SLC30A4: variants seen among roughly 807,000 people sequenced by gnomAD.
SLC30A4 encodes probable proton-coupled zinc antiporter SLC30A4.
Under a neutral mutation model 41.7 loss-of-function variants are expected in SLC30A4, and 20 were observed. The ratio of observed to expected loss-of-function variants is 0.48; its 90% CI spans 0.34 to 0.70. SLC30A4 has a LOEUF of 0.70. Among genes scored for constraint, SLC30A4 ranks in the 30% least tolerant of loss-of-function variants. The probability of loss-of-function intolerance (pLI) is 0.01; values close to 1 mark genes in which losing one functional copy is unlikely to be tolerated. For synonymous variants in SLC30A4, 181 were observed against 195.9 expected (o/e 0.92, Z 0.64); for missense variants, 441 against 529.3 (o/e 0.83, Z 1.64).
intron 7 of SLC30A4, among the ~76,000 whole-genome samples, chr15:45,486,240 C>T (rs1490834676): frequency 6.6e-6 from 1 of 152,100 alleles, no homozygotes; most frequent in East Asian, 1.9e-4. Flanking sequence ...CCAGGCTGGT[C>T]TCAAACTCCT....
At chr15:45,517,423 G>A (rs1285199504) in intron 2 of SLC30A4, among the ~76,000 whole-genome samples, 1 of 137,942 alleles carries the variant, frequency 7.2e-6, no homozygotes, top group Non-Finnish European at 1.5e-5. Context: ...GCGTGATCTC[G>A]GCTCACCACA....
chr15:45,507,448 T>C (rs1355540279), intron 3 of SLC30A4, among the ~76,000 whole-genome samples: 1 of 151,578 alleles, frequency 6.6e-6, no homozygotes, highest in Non-Finnish European at 1.5e-5. Context: ...TCTGAGCATA[T>C]TAATAAGATA....
chr15:45,485,435 C>T (rs1045706905), intron 7 of SLC30A4, 118 bp from the exon 8 acceptor site: 1 of 666,750 alleles, frequency 1.5e-6, no homozygotes, highest in African/African-American at 1.9e-5. Context: ...TGATTTCTAC[C>T]CTCTCTAAGC....
rs149411346 is a variant in SLC30A4, at chr15:45,522,120, G to C, written c.235C>G (p.Gln79Glu). Residue 79 changes from glutamine to glutamate, a missense_variant, in exon 2 of 8, where the codon CAA becomes GAA. Around this residue, in one of 3 missense-constraint regions of SLC30A4, gnomAD observed 312 missense variants for 341.9 expected, o/e 0.91. Transcript: ENST00000261867. ...TGACTGTTGGTCAAAGGTAAGTCTT[G>C]GTCCAGTAAGGAATCATCGTCGGCC... ...LQADDDSLLD[Q>E]DLPLTNSQLS... 1.2e-6 allele frequency: 2 copies of C among 1,614,216 alleles called. No individual in the cohort carries two copies. Among genetic ancestry groups the C allele is most frequent in the African/African-American group, 1.3e-5 (1 of 75,052 alleles).
intron 3 of SLC30A4, among the ~76,000 whole-genome samples, chr15:45,505,834 G>C (rs989385543): frequency 3.9e-5 from 6 of 152,292 alleles, no homozygotes; most frequent in African/African-American, 1.4e-4. Flanking sequence ...AATGGTATGG[G>C]GAGATGGAGT....
At chr15:45,485,345 A>G (rs1344560190) in intron 7 of SLC30A4, 28 bp from the exon 8 acceptor site, 2 of 1,536,682 alleles carry the variant, frequency 1.3e-6, no homozygotes, top group Non-Finnish European at 1.8e-6. Context: ...TATCATTACT[A>G]TCCATTGTAC....
At chr15:45,515,952 GGTCTTGCC>G (rs1566882794) in intron 2 of SLC30A4, 1 of 151,674 alleles carries the variant, frequency 6.6e-6, no homozygotes. Flanking sequence ...GTAGAGACAG[GGTCTTGCC>G]ACCTTGACCA....
intron 3 of SLC30A4, among the ~76,000 whole-genome samples, chr15:45,493,814 G>A (rs995676267): frequency 6.6e-6 from 1 of 152,096 alleles, no homozygotes. Flanking sequence ...CCGACAGAGT[G>A]AGACTCTGTC....
intron 2 of SLC30A4, among the ~76,000 whole-genome samples, chr15:45,520,633 A>G (rs1445514665): frequency 1.3e-5 from 2 of 152,214 alleles, no homozygotes; most frequent in African/African-American, 4.8e-5. Context: ...AAGATTTGGG[A>G]AAGGCAGTCT....
chr15:45,487,911 A>AGTGTGTGTGTGTGTGTGTGTGTGTGT (rs145350286), intron 5 of SLC30A4, among the ~76,000 whole-genome samples: 3 of 137,602 alleles, frequency 2.2e-5, no homozygotes, highest in African/African-American at 8.2e-5. Flanking sequence ...GAAAGAAGTA[A>AGTGTGTGTGTGTGTGTGTGTGTGTGT]GTGTGTGTGT....
At chr15:45,487,087 AC>A (rs1202550235) in intron 6 of SLC30A4, among the ~76,000 whole-genome samples, 1 of 152,118 alleles carries the variant, frequency 6.6e-6, no homozygotes, top group Non-Finnish European at 1.5e-5. Flanking sequence ...ATTGTTAAGA[AC>A]TTTTATTTTC....
intron 2 of SLC30A4, among the ~76,000 whole-genome samples, chr15:45,516,222 CCA>C (rs1284354165): frequency 6.6e-6 from 1 of 152,210 alleles, no homozygotes; most frequent in Non-Finnish European, 1.5e-5. Context: ...ACCCACACTT[CCA>C]GAGGTACCTG....
intron 3 of SLC30A4, among the ~76,000 whole-genome samples, chr15:45,500,660 CTATA>C (rs765731480): frequency 0.018 from 2,175 of 117,700 alleles, 24 homozygotes; most frequent in Non-Finnish European, 0.027. Context: ...ATCTATCTAT[CTATA>C]TGTTTTTGTT....
chr15:45,493,879 A>G (rs1228705301), intron 3 of SLC30A4, among the ~76,000 whole-genome samples: 1 of 152,128 alleles, frequency 6.6e-6, no homozygotes, highest in Non-Finnish European at 1.5e-5. Context: ...TCAACAGAAC[A>G]GATATAAGAA....
chr15:45,521,782 T>C, intron 2 of SLC30A4, 182 bp downstream of exon 2: 1 of 537,798 alleles, frequency 1.9e-6, no homozygotes, highest in South Asian at 3.4e-5. Flanking sequence ...TCTCGGGGAG[T>C]TTATATTGTA....
intron 3 of SLC30A4, among the ~76,000 whole-genome samples, chr15:45,496,874 T>TA (rs1449473386): frequency 1.4e-5 from 2 of 142,110 alleles, no homozygotes; most frequent in Non-Finnish European, 3.1e-5. Context: ...AATAAATAAA[T>TA]AAAATAAATA....
chr15:45,509,248 C>CT (rs879266404), intron 3 of SLC30A4, among the ~76,000 whole-genome samples: 1,371 of 133,302 alleles, frequency 0.01, 17 homozygotes, highest in African/African-American at 0.029. Context: ...GGAACACATT[C>CT]TTTTTTTTTT....
intron 4 of SLC30A4, among the ~76,000 whole-genome samples, chr15:45,489,766 T>A (rs542008159): frequency 1.6e-4 from 24 of 151,996 alleles, no homozygotes; most frequent in Non-Finnish European, 3.1e-4. Flanking sequence ...ACTTAAAGTA[T>A]AATAATAATA....
intron 3 of SLC30A4, among the ~76,000 whole-genome samples, chr15:45,503,571 G>C (rs1028474865): frequency 6.6e-6 from 1 of 151,506 alleles, no homozygotes; most frequent in Non-Finnish European, 1.5e-5. Flanking sequence ...AGCCAAGATC[G>C]AGCCACTGCA....
Sources: gnomAD v4.1 joint callset for allele counts (sites outside exome capture counted in the v4.1 genomes callset) on GRCh38, gnomAD v4.1.1 for gene constraint, gnomAD v4.1.1 regional missense constraint, MANE v1.5 for transcripts, NCBI Gene and HGNC (gene_info 2026-07-23, HGNC 2026-07-21) for gene names.